Variants in PALM2AKAP2 observed in about 807,000 individuals in gnomAD.
PALM2AKAP2 encodes PALM2-AKAP2 fusion protein.
PALM2AKAP2 carries 37 observed loss-of-function variants against 71.5 expected under a neutral mutation model. The ratio of observed to expected loss-of-function variants is 0.52; its 90% CI spans 0.40 to 0.68. The LOEUF is 0.68. Ranked by LOEUF, PALM2AKAP2 falls within the 30% of genes least tolerant of loss-of-function variation. The probability of loss-of-function intolerance (pLI) is 0.00; values close to 1 mark genes in which losing one functional copy is unlikely to be tolerated. For synonymous variants in PALM2AKAP2, 468 were observed against 478.8 expected (o/e 0.98, Z 0.29); for missense variants, 1,224 against 1,191.8 (o/e 1.03, Z -0.40).
intron 2 of PALM2AKAP2, among the ~76,000 whole-genome samples, chr9:109,870,657 G>A (rs1829580239): frequency 6.6e-6 from 1 of 152,182 alleles, no homozygotes; most frequent in Non-Finnish European, 1.5e-5. Flanking sequence ...AGAAACTCCT[G>A]GGCTGTCTGC....
At chr9:109,946,717 A>G (rs868489561) in intron 6 of PALM2AKAP2, 4 of 149,284 alleles carry the variant, frequency 2.7e-5, no homozygotes, top group Admixed American at 1.3e-4. Context: ...AAAAAATCAT[A>G]TAATCAGTTC....
intron 7 of PALM2AKAP2, chr9:110,024,825 G>T (rs1400895094): frequency 5.8e-4 from 308 of 531,506 alleles, no homozygotes; most frequent in East Asian, 1.6e-3. Flanking sequence ...TGGGTTTTTT[G>T]TTTTTTTTTT....
intron 1 of PALM2AKAP2, among the ~76,000 whole-genome samples, chr9:110,063,360 C>A (rs1834004301): frequency 6.6e-6 from 1 of 151,834 alleles, no homozygotes; most frequent in Non-Finnish European, 1.5e-5. Context: ...TGTTCTAGGT[C>A]TTGGCTTGTA....
intron 7 of PALM2AKAP2, among the ~76,000 whole-genome samples, chr9:110,026,580 ACTTTTTCAACAT>A (rs1318882577): frequency 6.6e-6 from 1 of 152,098 alleles, no homozygotes; most frequent in Non-Finnish European, 1.5e-5. Flanking sequence ...CTTCTCCAGA[ACTTTTTCAACAT>A]CTTCTTCAAC....
intron 2 of PALM2AKAP2, among the ~76,000 whole-genome samples, chr9:110,144,376 T>G (rs573434913): frequency 4.6e-5 from 7 of 152,322 alleles, no homozygotes; most frequent in Admixed American, 6.5e-5. Context: ...TCTAGAACAT[T>G]CTCTGGTTAC....
intron 5 of PALM2AKAP2, among the ~76,000 whole-genome samples, chr9:109,930,740 C>T (rs1831079883): frequency 6.6e-6 from 1 of 152,060 alleles, no homozygotes. Context: ...AGTGGGGATG[C>T]AGAGGAGGGG....
chr9:109,711,662 A>G (rs1828240042), intron 1 of PALM2AKAP2, among the ~76,000 whole-genome samples: 1 of 152,240 alleles, frequency 6.6e-6, no homozygotes, highest in Non-Finnish European at 1.5e-5. Context: ...CTAACAGGAG[A>G]GAGAAAAGGT....
intron 7 of PALM2AKAP2, among the ~76,000 whole-genome samples, chr9:110,019,099 T>A (rs1342980512): frequency 6.6e-6 from 1 of 151,466 alleles, no homozygotes; most frequent in Non-Finnish European, 1.5e-5. Flanking sequence ...ATTAGCCGGG[T>A]GTGATGGCGC....
chr9:109,973,722 A>G (rs1007271916), intron 6 of PALM2AKAP2, among the ~76,000 whole-genome samples: 3 of 152,210 alleles, frequency 2.0e-5, no homozygotes, highest in African/African-American at 7.2e-5. Context: ...GTCTCTTGAT[A>G]ACTCTGTGAG....
chr9:109,875,152 G>T (rs1331680330), intron 2 of PALM2AKAP2, among the ~76,000 whole-genome samples: 2 of 152,096 alleles, frequency 1.3e-5, no homozygotes, highest in Admixed American at 6.6e-5. Flanking sequence ...TCGGGCATTT[G>T]TTCCGGTCCA....
intron 1 of PALM2AKAP2, among the ~76,000 whole-genome samples, chr9:109,848,828 A>T (rs1400722394): frequency 6.6e-6 from 1 of 151,190 alleles, no homozygotes; most frequent in Non-Finnish European, 1.5e-5. Context: ...CTGAGATGGG[A>T]TGACTGCCTG....
At chr9:109,921,142 CT>C (rs1312224842) in intron 3 of PALM2AKAP2, among the ~76,000 whole-genome samples, 1 of 152,198 alleles carries the variant, frequency 6.6e-6, no homozygotes, top group Non-Finnish European at 1.5e-5. Flanking sequence ...TTAAAGCTTG[CT>C]GAAGAATTCA....
intron 1 of PALM2AKAP2, among the ~76,000 whole-genome samples, chr9:109,814,447 T>C (rs1380382878): frequency 6.6e-6 from 1 of 152,210 alleles, no homozygotes; most frequent in South Asian, 2.1e-4. Context: ...TCTGAAGAAC[T>C]CTGTAACAAA....
intron 1 of PALM2AKAP2, among the ~76,000 whole-genome samples, chr9:109,681,271 T>C (rs948142932): frequency 1.3e-5 from 2 of 152,222 alleles, no homozygotes; most frequent in Non-Finnish European, 2.9e-5. Context: ...TCCTGTTAGA[T>C]AGGAAAGAGA....
At chr9:110,138,582 C>G in intron 2 of PALM2AKAP2, 43 bp downstream of exon 8, 1 of 1,517,234 alleles carries the variant, frequency 6.6e-7, no homozygotes, top group Non-Finnish European at 8.8e-7. Flanking sequence ...CCACAGCAGT[C>G]TGTTGTTGTT....
intron 6 of PALM2AKAP2, among the ~76,000 whole-genome samples, chr9:109,985,735 C>T (rs1000286659): frequency 2.7e-5 from 4 of 150,400 alleles, no homozygotes; most frequent in Non-Finnish European, 4.4e-5. Context: ...CTGCAACCTT[C>T]GCCTCCTAGG....
At chr9:109,725,884 A>G (rs1041337728) in intron 1 of PALM2AKAP2, among the ~76,000 whole-genome samples, 1 of 152,290 alleles carries the variant, frequency 6.6e-6, no homozygotes, top group Middle Eastern at 3.4e-3. Context: ...CGTGGCAGCT[A>G]TTTTATTTTC....
In PALM2AKAP2 at chr9:109,791,465, C is replaced by A. The variant is rs148268727; in HGVS notation, c.45+10932C>A. The stretch of plus-strand genomic sequence containing the variant: ...CAGCCTGGCATGGCAGTGGAGGGAG[C>A]CTTTTCCAGCCTTCCTCCAGCAGAA... On this transcript the variant is annotated intron_variant, in intron 1 of 9. Transcript: ENST00000302798. 1.1e-3 allele frequency among the ~76,000 whole-genome samples: 168 copies of A among 152,248 alleles called. 1 individual carries two copies. The highest frequency in any genetic ancestry group is 3.8e-3 in the African/African-American group (157 of 41,544).
At chr9:109,883,711 T>C (rs1380973925) in intron 3 of PALM2AKAP2, among the ~76,000 whole-genome samples, 1 of 152,218 alleles carries the variant, frequency 6.6e-6, no homozygotes, top group African/African-American at 2.4e-5. Flanking sequence ...CAGAATGACA[T>C]TTGAATAGTT....
Sources: allele counts gnomAD v4.1 joint callset (sites outside exome capture counted in the v4.1 genomes callset), GRCh38; gene constraint gnomAD v4.1.1; transcripts MANE v1.5; gene names NCBI Gene and HGNC (gene_info 2026-07-23, HGNC 2026-07-21).